Variants in ARID5B observed in about 807,000 individuals in gnomAD.
ARID5B encodes the protein AT-rich interactive domain-containing protein 5B.
ARID5B carries 13 observed loss-of-function variants against 97.2 expected under a neutral mutation model. That is an observed-to-expected ratio of 0.13 (90% CI 0.09 to 0.21). The LOEUF (loss-of-function observed/expected upper bound fraction) is 0.21. Ranked by LOEUF, ARID5B falls within the 10% of genes least tolerant of loss-of-function variation. The pLI, the probability that ARID5B is intolerant of heterozygous loss-of-function variation, is 1.00. For missense variants in ARID5B, 1,210 were observed against 1,465.3 expected, an observed-to-expected ratio of 0.83 and a Z score of 2.84; for synonymous variants, 556 against 570.3, an observed-to-expected ratio of 0.97 and a Z score of 0.36.
At position 62,057,161 on chromosome 10, in the gene ARID5B, C is replaced by T. The variant is rs1465280411; in HGVS notation, c.891C>T (p.Asn297=). 6.2e-7 allele frequency: 1 copy of T among 1,613,614 alleles called. No homozygotes were observed. Among genetic ancestry groups the T allele is most frequent in the South Asian group, 1.1e-5 (1 of 91,074 alleles). ...CAGCCTTGACCAAGCCGAAGAATAA[C>T]CATAACTGTAAAAAAGTCTCAAATG... ...ARSALTKPKN[N]HNCKKVSNEE... Residue 297 remains asparagine, a synonymous_variant, in exon 6 of 10, where the codon AAC becomes AAT. Transcript: ENST00000279873.
chr10:62,001,406 C>A (rs890706422), intron 4 of ARID5B, among the ~76,000 whole-genome samples: 3 of 152,256 alleles, frequency 2.0e-5, no homozygotes, highest in African/African-American at 4.8e-5. Flanking sequence ...AGCATAGGGT[C>A]CCTTTGAACT....
intron 3 of ARID5B, among the ~76,000 whole-genome samples, chr10:61,968,781 T>C (rs905624175): frequency 2.0e-5 from 3 of 152,198 alleles, no homozygotes; most frequent in African/African-American, 4.8e-5. Context: ...AATCAGCGTA[T>C]TACTCCTTGA....
intron 5 of ARID5B, among the ~76,000 whole-genome samples, chr10:62,054,393 GAA>G (rs879929402): frequency 1.8e-4 from 27 of 146,910 alleles, no homozygotes; most frequent in Non-Finnish European, 3.2e-4. Context: ...TATCTTAACT[GAA>G]AAAAAAAAAT....
chr10:62,090,673 A>T (rs950816099), intron 9 of ARID5B, among the ~76,000 whole-genome samples, 189 bp from the exon 10 acceptor site: 1 of 152,144 alleles, frequency 6.6e-6, no homozygotes, highest in African/African-American at 2.4e-5. Flanking sequence ...ATTTCCCCTA[A>T]TGTTTCTGTA....
intron 3 of ARID5B, among the ~76,000 whole-genome samples, chr10:61,993,120 TACAC>T (rs35119824): frequency 0.045 from 6,564 of 146,802 alleles, 144 homozygotes; most frequent in Middle Eastern, 0.073. Flanking sequence ...GGAAGGGAGA[TACAC>T]ACACACACAC....
chr10:62,033,656 A>G (rs1839525162), intron 4 of ARID5B, among the ~76,000 whole-genome samples: 2 of 152,340 alleles, frequency 1.3e-5, no homozygotes, highest in South Asian at 4.1e-4. Context: ...GCTTGAAATG[A>G]TGTATTAATA....
At chr10:61,938,254 G>A (rs1332091062) in intron 2 of ARID5B, among the ~76,000 whole-genome samples, 1 of 152,126 alleles carries the variant, frequency 6.6e-6, no homozygotes, top group Non-Finnish European at 1.5e-5. Flanking sequence ...GCCATTTCTT[G>A]GAAAAGATCT....
intron 2 of ARID5B, among the ~76,000 whole-genome samples, chr10:61,933,891 C>A (rs1844254393): frequency 6.6e-6 from 1 of 152,374 alleles, no homozygotes; most frequent in African/African-American, 2.4e-5. Flanking sequence ...ATCAGCCTGT[C>A]CTCTGAAGCT....
At chr10:61,958,351 C>G (rs1301545428) in intron 3 of ARID5B, among the ~76,000 whole-genome samples, 1 of 152,128 alleles carries the variant, frequency 6.6e-6, no homozygotes, top group African/African-American at 2.4e-5. Flanking sequence ...TCCTCAGCCT[C>G]GCAAATAGCT....
chr10:61,918,391 T>C (rs1843947796), intron 2 of ARID5B, among the ~76,000 whole-genome samples: 2 of 152,192 alleles, frequency 1.3e-5, no homozygotes, highest in East Asian at 1.9e-4. Context: ...CTTATGGGCA[T>C]AGAGCACAAA....
chr10:61,938,275 G>A (rs1844340282), intron 2 of ARID5B, among the ~76,000 whole-genome samples: 1 of 152,172 alleles, frequency 6.6e-6, no homozygotes, highest in African/African-American at 2.4e-5. Context: ...GAAGCAACTA[G>A]TAATTGAAAT....
At chr10:61,907,064 G>C (rs956394005) in intron 2 of ARID5B, among the ~76,000 whole-genome samples, 1 of 152,230 alleles carries the variant, frequency 6.6e-6, no homozygotes, top group African/African-American at 2.4e-5. Flanking sequence ...GTTTTTCCGT[G>C]TGAGGGAATG....
intron 5 of ARID5B, among the ~76,000 whole-genome samples, chr10:62,052,722 T>C (rs1839806807): frequency 6.6e-6 from 1 of 152,236 alleles, no homozygotes. Flanking sequence ...GTTCACTGAC[T>C]TCTTAACAAG....
chr10:62,050,344 C>T (rs1839770246), intron 4 of ARID5B, among the ~76,000 whole-genome samples: 1 of 152,178 alleles, frequency 6.6e-6, no homozygotes, highest in South Asian at 2.1e-4. Flanking sequence ...ATAATGTTTT[C>T]CAGCTTGCTG....
At chr10:61,974,460 G>A (rs1045567512) in intron 3 of ARID5B, among the ~76,000 whole-genome samples, 1 of 152,116 alleles carries the variant, frequency 6.6e-6, no homozygotes, top group Non-Finnish European at 1.5e-5. Flanking sequence ...CAGAAATCAT[G>A]ATAAGGGTAT....
At chr10:61,927,905 C>T (rs555454327) in intron 2 of ARID5B, among the ~76,000 whole-genome samples, 5 of 152,322 alleles carry the variant, frequency 3.3e-5, no homozygotes, top group African/African-American at 1.2e-4. Context: ...CCACTCCTTT[C>T]TTTTCTCTGC....
chr10:62,013,890 A>C (rs1839251167), intron 4 of ARID5B, among the ~76,000 whole-genome samples: 1 of 151,554 alleles, frequency 6.6e-6, no homozygotes, highest in Non-Finnish European at 1.5e-5. Flanking sequence ...TACTTTGATA[A>C]AAATGTAATA....
At chr10:62,083,449 A>C (rs963702910) in intron 8 of ARID5B, among the ~76,000 whole-genome samples, 1 of 152,190 alleles carries the variant, frequency 6.6e-6, no homozygotes, top group South Asian at 2.1e-4. Context: ...ACCCAGAGTG[A>C]GGGGTCCTTG....
At chr10:62,039,984 C>T (rs1050169136) in intron 4 of ARID5B, among the ~76,000 whole-genome samples, 1 of 152,338 alleles carries the variant, frequency 6.6e-6, no homozygotes, top group Admixed American at 6.5e-5. Context: ...GTGTCTACTT[C>T]CAAGCAACTA....
Sources: allele counts gnomAD v4.1 joint callset (sites outside exome capture counted in the v4.1 genomes callset), GRCh38; gene constraint gnomAD v4.1.1; transcripts MANE v1.5; gene names NCBI Gene and HGNC (gene_info 2026-07-23, HGNC 2026-07-21).